Variants in ITGB2 observed in about 807,000 individuals in gnomAD.
ITGB2 encodes integrin beta-2.
Under a neutral mutation model 86.8 loss-of-function variants are expected in ITGB2, and 56 were observed. The observed-to-expected ratio is 0.65, with a 90% CI of 0.52 to 0.81. ITGB2 has a LOEUF of 0.81. Ranked by LOEUF, ITGB2 falls within the 30% of genes least tolerant of loss-of-function variation. ITGB2 has a pLI of 0.00. For synonymous variants in ITGB2, 457 were observed against 450.4 expected (o/e 1.01, Z -0.19); for missense variants, 948 against 1,061.2 (o/e 0.89, Z 1.48).
chr21:44,900,486 G>A lies in ITGB2; in HGVS notation c.742-11C>T, dbSNP rs202052714. 3 of 1,613,566 alleles carry A rather than the reference G, an allele frequency of 1.9e-6. No homozygotes were observed. In the African/African-American group the frequency reaches 4.0e-5, roughly 22 times the overall value. On this transcript the variant is annotated splice_polypyrimidine_tract_variant and intron_variant, in intron 6 of 15. Coordinates refer to ENST00000652462, the MANE Select transcript of ITGB2 (RefSeq NM_000211.5). Reference sequence around the variant, plus strand: ...CCAGCCGATTTCCTCCTGAGAAGAAGGCGTGGGGGGCAGGGTTACCTGCCT... The same window carrying A: ...CCAGCCGATTTCCTCCTGAGAAGAAAGCGTGGGGGGCAGGGTTACCTGCCT...
intron 5 of ITGB2, among the ~76,000 whole-genome samples, chr21:44,902,924 C>T (rs1018330515): frequency 6.6e-6 from 1 of 152,174 alleles, no homozygotes; most frequent in Non-Finnish European, 1.5e-5. Context: ...CTGACACACA[C>T]GTGTGCTGGA....
chr21:44,912,782 CCCCA>C (rs1300005361), intron 1 of ITGB2, among the ~76,000 whole-genome samples: 122 of 110,316 alleles, frequency 1.1e-3, no homozygotes, highest in African/African-American at 3.8e-3. Context: ...GCTGGAGCTA[CCCCA>C]GGGTGCAGGG....
intron 1 of ITGB2, among the ~76,000 whole-genome samples, chr21:44,917,491 G>C (rs534797636): frequency 6.6e-6 from 1 of 152,156 alleles, no homozygotes; most frequent in Non-Finnish European, 1.5e-5. Context: ...TTGCTCCTTC[G>C]GATTCCAAAG....
chr21:44,900,613 A>T, intron 6 of ITGB2, 138 bp from the exon 7 acceptor site: 1 of 1,054,790 alleles, frequency 9.5e-7, no homozygotes, highest in Non-Finnish European at 1.4e-6. Flanking sequence ...GGTCTCAGGG[A>T]CCCAGCTGTG....
chr21:44,906,159 C>T (rs1217351170), intron 4 of ITGB2, among the ~76,000 whole-genome samples: 1 of 100,670 alleles, frequency 9.9e-6, no homozygotes, highest in African/African-American at 4.0e-5. Flanking sequence ...TCCCTTCCCT[C>T]CCTTCCCTCC....
At chr21:44,900,585 G>T (rs757795799) in intron 6 of ITGB2, 110 bp from the exon 7 acceptor site, 2 of 1,365,270 alleles carry the variant, frequency 1.5e-6, no homozygotes, top group Non-Finnish European at 2.0e-6. Flanking sequence ...AGGCTGGTGT[G>T]GGTCCCCCTT....
intron 13 of ITGB2, 76 bp from the exon 14 acceptor site, chr21:44,888,971 G>A: frequency 1.4e-6 from 2 of 1,402,538 alleles, no homozygotes; most frequent in Non-Finnish European, 2.0e-6. Context: ...GCTTGGGTGT[G>A]TGTCCACCAG....
intron 5 of ITGB2, among the ~76,000 whole-genome samples, chr21:44,903,024 C>T (rs1417315525): frequency 6.6e-6 from 1 of 152,216 alleles, no homozygotes; most frequent in Non-Finnish European, 1.5e-5. Context: ...GCTGCCGTCG[C>T]TGTGCCGTCT....
chr21:44,899,220 C>T, intron 7 of ITGB2, 58 bp from the exon 8 acceptor site: 1 of 1,293,406 alleles, frequency 7.7e-7, no homozygotes, highest in Non-Finnish European at 1.1e-6. Context: ...CTTCCAGGTA[C>T]CCGCCCCTGT....
chr21:44,901,690 G>A lies in ITGB2; in HGVS notation c.543C>T (p.Asn181=), dbSNP rs1289539628. 2 of 1,613,452 alleles carry A rather than the reference G, an allele frequency of 1.2e-6. No homozygotes were observed. Among genetic ancestry groups the A allele is most frequent in the Admixed American group, 3.3e-5 (2 of 60,020 alleles). ...FVDKTVLPFV[N]THPDKLRNPC... Reference sequence around the variant, plus strand: ...GGTTTCGCAGCTTATCAGGGTGCGTGTTCACGAACGGCAGCACGGTCTTGT... The same window carrying A: ...GGTTTCGCAGCTTATCAGGGTGCGTATTCACGAACGGCAGCACGGTCTTGT... Residue 181 remains asparagine, a synonymous_variant, in exon 6 of 16, where the codon AAC becomes AAT. Coordinates refer to ENST00000652462, the MANE Select transcript of ITGB2 (RefSeq NM_000211.5).
At position 44,910,336 on chromosome 21, in the gene ITGB2, C is replaced by T; in HGVS notation, c.95G>A (p.Ser32Asn). 6.2e-7 allele frequency: 1 copy of T among 1,614,152 alleles called. No individual in the cohort carries two copies. Among genetic ancestry groups the T allele is most frequent in the Non-Finnish European group, 8.5e-7 (1 of 1,180,010 alleles). The change falls in exon 3 of 16, where the codon AGC (serine) becomes AAC (asparagine). Residue 32 changes from serine to asparagine, a missense_variant. Physicochemically the swap from Ser to Asn is conservative, Grantham distance 46. Transcript: ENST00000652462. The part of the protein sequence containing the change: ...SQECTKFKVS[S>N]CRECIESGPG... Reference sequence around the variant, plus strand: ...CCCCGACTCGATGCATTCCCGGCAGCTGCTGACCTTGAACTTCGTGCACTC... The same window carrying T: ...CCCCGACTCGATGCATTCCCGGCAGTTGCTGACCTTGAACTTCGTGCACTC...
Position 44,886,261 on chromosome 21 carries a change from T to C in ITGB2, c.*107A>G, listed in dbSNP as rs1355287694. The C allele has an allele frequency of 1.7e-5, 19 of 1,100,290 alleles. No homozygotes were observed. The highest frequency in any genetic ancestry group is 2.5e-5 in the Non-Finnish European group (18 of 714,624). The allele number at this position is 1,100,290 out of a possible 1,614,324, so 68.2% of individuals were successfully genotyped here. A position where few individuals can be genotyped will look rare whatever the true frequency, so the allele number is the denominator to read the frequency against. On this transcript the variant is annotated 3_prime_UTR_variant, in exon 16 of 16. Transcript: ENST00000652462. ...ATTTTGAGGGCGGAAAATAACTGGA[T>C]TTCTGGTTAATTGGTGACATCCTCA...
In ITGB2 at chr21:44,889,946, G is replaced by T. The variant is rs371454881; in HGVS notation, c.1657+32C>A. 21 of 1,611,658 alleles carry T rather than the reference G, an allele frequency of 1.3e-5. No homozygotes were observed. In the African/African-American group the frequency reaches 2.1e-4, roughly 16 times the overall value. ...CAACACCAAGTCTGTGCCGCAGGACGGCCGTTGTCCAGCAGGGACCCACGG... is the reference window on the plus strand; with the variant it reads ...CAACACCAAGTCTGTGCCGCAGGACTGCCGTTGTCCAGCAGGGACCCACGG... On this transcript the variant is annotated intron_variant, in intron 12 of 15. Transcript: ENST00000652462.
chr21:44,888,048 C>T (rs906344933), intron 14 of ITGB2, among the ~76,000 whole-genome samples: 4 of 152,118 alleles, frequency 2.6e-5, no homozygotes, highest in Non-Finnish European at 4.4e-5. Context: ...CCAAGGTCAC[C>T]GTGGGGCTGG....
intron 3 of ITGB2, 33 bp downstream of exon 3, chr21:44,910,251 G>A (rs749067483): frequency 6.2e-7 from 1 of 1,609,190 alleles, no homozygotes; most frequent in East Asian, 2.2e-5. Flanking sequence ...CCCAGGAGCT[G>A]GGCAGGTGGG....
intron 13 of ITGB2, 149 bp from the exon 14 acceptor site, chr21:44,889,044 G>A: frequency 1.4e-6 from 1 of 711,322 alleles, no homozygotes; most frequent in South Asian, 1.7e-5. Flanking sequence ...GGCAGATGCG[G>A]GTGCAGCGGG....
chr21:44,890,931 T>G (rs942012224), intron 11 of ITGB2, among the ~76,000 whole-genome samples: 3 of 151,458 alleles, frequency 2.0e-5, no homozygotes, highest in Non-Finnish European at 4.4e-5. Flanking sequence ...GGGTGGCCAC[T>G]GAGGCACGAG....
rs571400202 is a variant in ITGB2, at chr21:44,888,553, G to C, written c.2080+140C>G. 9.3e-6 allele frequency: 9 copies of C among 963,486 alleles called. No individual in the cohort carries two copies. In the African/African-American group the frequency reaches 1.3e-4, roughly 14 times the overall value. The allele number at this position is 963,486 out of a possible 1,614,324, so 59.7% of individuals were successfully genotyped here. On this transcript the variant is annotated intron_variant, in intron 14 of 15. Transcript: ENST00000652462. ...GCCTCTGGCCTCCTTGCAATGCCAA[G>C]GGCATCCCGCATGGCTCATCCACCC...
intron 3 of ITGB2, chr21:44,907,967 T>C (rs1943034933): frequency 1.5e-6 from 1 of 685,192 alleles, no homozygotes; most frequent in African/African-American, 1.8e-5. Flanking sequence ...CTAAATGTAA[T>C]CCACACAGAA....
Sources: allele counts gnomAD v4.1 joint callset (sites outside exome capture counted in the v4.1 genomes callset), GRCh38; gene constraint gnomAD v4.1.1; transcripts MANE v1.5; gene names NCBI Gene and HGNC (gene_info 2026-07-23, HGNC 2026-07-21).